The following CNTN5 variants were observed in gnomAD, a reference collection of about 807,000 sequenced individuals.
The protein encoded by CNTN5 is contactin 5, also known as contactin-5.
CNTN5 carries 77 observed loss-of-function variants against 129.1 expected under a neutral mutation model. That is an observed-to-expected ratio of 0.60 (90% CI 0.50 to 0.72). The LOEUF is 0.72. Among genes scored for constraint, CNTN5 ranks in the 30% least tolerant of loss-of-function variants. The pLI is 0.00. For synonymous variants in CNTN5, 509 were observed against 465.6 expected, an observed-to-expected ratio of 1.09 and a Z score of -1.20; for missense variants, 1,478 against 1,328.8, an observed-to-expected ratio of 1.11 and a Z score of -1.75.
At chr11:99,413,959 C>G (rs1395725204) in intron 2 of CNTN5, among the ~76,000 whole-genome samples, 1 of 152,124 alleles carries the variant, frequency 6.6e-6, no homozygotes, top group Non-Finnish European at 1.5e-5. Flanking sequence ...CTACTTATGG[C>G]CAGCCAAAAA....
At chr11:99,065,206 A>T (rs1466821321) in intron 1 of CNTN5, among the ~76,000 whole-genome samples, 1 of 152,148 alleles carries the variant, frequency 6.6e-6, no homozygotes, top group Non-Finnish European at 1.5e-5. Context: ...AAAGTAGGAT[A>T]CACATAACAC....
chr11:99,841,655 GAGA>G (rs1264554636), intron 4 of CNTN5, among the ~76,000 whole-genome samples: 1 of 151,374 alleles, frequency 6.6e-6, no homozygotes, highest in Non-Finnish European at 1.5e-5. Flanking sequence ...GAGAATGAAG[GAGA>G]AGGAGAATGA....
chr11:100,118,823 T>C (rs1945922126), intron 13 of CNTN5, among the ~76,000 whole-genome samples: 1 of 151,830 alleles, frequency 6.6e-6, no homozygotes, highest in African/African-American at 2.4e-5. Context: ...TAAAAATTTC[T>C]CCTTTAGAAT....
intron 3 of CNTN5, among the ~76,000 whole-genome samples, chr11:99,645,740 T>C (rs544440470): frequency 4.0e-5 from 6 of 151,276 alleles, no homozygotes; most frequent in Admixed American, 1.3e-4. Flanking sequence ...TAAGTGGTAG[T>C]TGAACAATGA....
chr11:99,496,284 T>C (rs538828580), intron 2 of CNTN5, among the ~76,000 whole-genome samples: 13 of 152,252 alleles, frequency 8.5e-5, no homozygotes, highest in Non-Finnish European at 1.8e-4. Context: ...TTATTTTATT[T>C]ATTTATTTGA....
At chr11:99,970,584 C>T (rs1287624230) in intron 8 of CNTN5, among the ~76,000 whole-genome samples, 1 of 152,110 alleles carries the variant, frequency 6.6e-6, no homozygotes, top group Non-Finnish European at 1.5e-5. Flanking sequence ...TAGAAAAGTG[C>T]CTGTTATTTA....
chr11:99,976,012 T>C (rs555136166), intron 8 of CNTN5, among the ~76,000 whole-genome samples: 2 of 152,340 alleles, frequency 1.3e-5, no homozygotes, highest in Middle Eastern at 3.4e-3. Context: ...CAAGTTACAA[T>C]GTGGGTATAG....
chr11:99,299,162 A>G (rs1278821137), intron 1 of CNTN5, among the ~76,000 whole-genome samples: 1 of 152,194 alleles, frequency 6.6e-6, no homozygotes, highest in Non-Finnish European at 1.5e-5. Flanking sequence ...TACCACATAT[A>G]CAGAAAGAAA....
rs143364064 is a variant in CNTN5 at position 100,283,812 on chromosome 11, A to G, written c.2314+12571A>G. Among the ~76,000 whole-genome samples, 861 of 152,128 alleles carry G rather than the reference A, an allele frequency of 5.7e-3. 11 individuals are homozygous for G. The highest frequency in any genetic ancestry group is 0.019 in the African/African-American group (805 of 41,490). On this transcript the variant is annotated intron_variant, in intron 18 of 24. Coordinates refer to ENST00000524871, the MANE Select transcript of CNTN5 (RefSeq NM_014361.4). Reference sequence around the variant, plus strand: ...AATACAAAAATTAGCCGGGCGCGGTAGCGGGCACCTGTAATCCCAGCTACT... The same window carrying G: ...AATACAAAAATTAGCCGGGCGCGGTGGCGGGCACCTGTAATCCCAGCTACT...
chr11:99,644,314 T>G (rs1229956623), intron 3 of CNTN5, among the ~76,000 whole-genome samples: 2 of 152,208 alleles, frequency 1.3e-5, no homozygotes, highest in Non-Finnish European at 2.9e-5. Flanking sequence ...AACTGCTACC[T>G]CACAATTGGC....
chr11:99,846,360 A>C (rs1947698558), intron 6 of CNTN5, among the ~76,000 whole-genome samples: 1 of 148,962 alleles, frequency 6.7e-6, no homozygotes, highest in South Asian at 2.1e-4. Flanking sequence ...TCTGTCTCAA[A>C]AAAAAAAAAA....
chr11:99,120,361 C>T (rs1032258683), intron 1 of CNTN5: 1 of 152,114 alleles, frequency 6.6e-6, no homozygotes, highest in African/African-American at 2.4e-5. Flanking sequence ...AGAGGAGGAC[C>T]AGTCTTCAAT....
At chr11:100,031,922 C>G (rs1386448772) in intron 9 of CNTN5, among the ~76,000 whole-genome samples, 1 of 151,692 alleles carries the variant, frequency 6.6e-6, no homozygotes, top group Non-Finnish European at 1.5e-5. Flanking sequence ...ATTGGTGGCA[C>G]CACGGGACCA....
intron 1 of CNTN5, among the ~76,000 whole-genome samples, chr11:99,151,365 A>C (rs576229179): frequency 6.6e-6 from 1 of 152,290 alleles, no homozygotes; most frequent in Non-Finnish European, 1.5e-5. Context: ...AAATCATGTT[A>C]TACTCAGACA....
At chr11:99,079,616 G>A (rs955894663) in intron 1 of CNTN5, among the ~76,000 whole-genome samples, 5 of 152,144 alleles carry the variant, frequency 3.3e-5, no homozygotes, top group African/African-American at 1.2e-4. Context: ...AAAATTTTAT[G>A]ATGTATCCAG....
intron 16 of CNTN5, among the ~76,000 whole-genome samples, chr11:100,241,757 C>T (rs986456541): frequency 6.6e-5 from 10 of 152,136 alleles, no homozygotes; most frequent in Admixed American, 6.6e-4. Context: ...GAAAAATAAT[C>T]ATGCTCTAAG....
At chr11:99,854,219 C>G (rs764541302) in intron 6 of CNTN5, among the ~76,000 whole-genome samples, 8 of 152,160 alleles carry the variant, frequency 5.3e-5, no homozygotes, top group Admixed American at 1.3e-4. Context: ...CTTCTTTACT[C>G]CAGCCCCACT....
At chr11:99,113,478 C>G (rs149974900) in intron 1 of CNTN5, among the ~76,000 whole-genome samples, 1 of 151,986 alleles carries the variant, frequency 6.6e-6, no homozygotes, top group Non-Finnish European at 1.5e-5. Context: ...ATGTGACTAA[C>G]TTGGTTACTA....
intron 3 of CNTN5, among the ~76,000 whole-genome samples, chr11:99,700,675 A>G (rs1444680407): frequency 6.6e-6 from 1 of 151,426 alleles, no homozygotes; most frequent in Admixed American, 6.6e-5. Flanking sequence ...GAGTAACGGT[A>G]AAAGAAATAC....
Sources: allele counts gnomAD v4.1 joint callset (sites outside exome capture counted in the v4.1 genomes callset), GRCh38; gene constraint gnomAD v4.1.1; transcripts MANE v1.5; gene names NCBI Gene and HGNC (gene_info 2026-07-23, HGNC 2026-07-21).